The following LARGE2 variants were observed in gnomAD, a reference collection of about 807,000 sequenced individuals.
The protein encoded by LARGE2 is xylosyl- and glucuronyltransferase LARGE2.
A neutral mutation model predicts 75.3 loss-of-function variants in LARGE2; 63 were observed. The ratio of observed to expected loss-of-function variants is 0.84; its 90% CI spans 0.68 to 1.03. LARGE2 has a LOEUF of 1.03. Ranked by LOEUF, LARGE2 falls within the 50% of genes least tolerant of loss-of-function variation. The pLI is 0.00. For missense variants in LARGE2, 925 were observed against 980.6 expected (o/e 0.94, Z 0.76); for synonymous variants, 428 against 420.1 (o/e 1.02, Z -0.23).
chr11:45,922,523 C>T (rs1239408171), upstream of LARGE2, among the ~76,000 whole-genome samples: 7 of 152,100 alleles, frequency 4.6e-5, no homozygotes, highest in Admixed American at 2.0e-4. Flanking sequence ...TCGGGGGCTC[C>T]TCGCGGGCTG....
chr11:45,922,010 C>A (rs1365509506), upstream of LARGE2, among the ~76,000 whole-genome samples: 1 of 152,140 alleles, frequency 6.6e-6, no homozygotes, highest in Non-Finnish European at 1.5e-5. Context: ...TGCGCCCGGG[C>A]ACAATCACGA....
At chr11:45,925,556 TGAG>T (rs1161530852) in intron 6 of LARGE2, among the ~76,000 whole-genome samples, 2 of 152,100 alleles carry the variant, frequency 1.3e-5, no homozygotes, top group Admixed American at 1.3e-4. Flanking sequence ...CTTGGGAGGC[TGAG>T]GAGGGAGAAT....
rs892686648 is a variant in LARGE2 at position 45,922,899 on chromosome 11, G to A, written c.17G>A (p.Arg6His). The A allele has an allele frequency of 1.3e-5, 16 of 1,270,266 alleles. No homozygotes were observed. The highest frequency in any genetic ancestry group is 3.1e-5 in the African/African-American group (2 of 64,470). The allele number at this position is 1,270,266 out of a possible 1,614,324, so 78.7% of individuals were successfully genotyped here. A position where few individuals can be genotyped will look rare whatever the true frequency, so the allele number is the denominator to read the frequency against. ...TCGGCGGCCATGCTGCCCCGAGGGC[G>A]CCCCCGGGCGCTGGGGGCCGCCGCG... MLPRG[R>H]PRALGAAALL... is the part of the protein sequence containing the mutation. The change falls in exon 2 of 14, where the codon CGC becomes CAC. Residue 6 changes from arginine to histidine, a missense_variant. Coordinates refer to ENST00000401752, the MANE Select transcript of LARGE2 (RefSeq NM_001300721.2).
At position 45,929,051 on chromosome 11, in the gene LARGE2, TC is replaced by T; in HGVS notation, c.*207del. On this transcript the variant is annotated 3_prime_UTR_variant, in exon 14 of 14. Coordinates refer to ENST00000401752, the MANE Select transcript of LARGE2 (RefSeq NM_001300721.2). ...AGCCAGTTTGGGGCTGGTTCCCCCATCTTGAATTGTTTATCCCTTTTTCATA... is the reference window on the plus strand; with the variant it reads ...AGCCAGTTTGGGGCTGGTTCCCCCATTTGAATTGTTTATCCCTTTTTCATA... 1 of 631,428 alleles carries T rather than the reference TC, an allele frequency of 1.6e-6. No individual in the cohort carries two copies. 39.1% of individuals were successfully genotyped at this position (631,428 alleles called of 1,614,324 possible). A position where few individuals can be genotyped will look rare whatever the true frequency, so the allele number is the denominator to read the frequency against.
chr11:45,922,637 G>C (rs2086957482), upstream of LARGE2: 1 of 323,280 alleles, frequency 3.1e-6, no homozygotes. Flanking sequence ...AGCCCAGGTC[G>C]GGGGCGGGAC....
rs537620978 is a variant in LARGE2 at position 45,927,952 on chromosome 11, G to A, written c.1637G>A (p.Arg546Gln). The change falls in exon 12 of 14, where the codon CGG becomes CAG. Residue 546 changes from arginine to glutamine, a missense_variant. Arg to Gln is a conservative substitution (Grantham distance 43, BLOSUM62 1). Transcript: ENST00000401752. Reference protein sequence around the residue: ...ASIEQLGLGSRRKAALVVPAF... With the variant: ...ASIEQLGLGSQRKAALVVPAF... ...ATTGAGCAGCTGGGGCTGGGCAGCC[G>A]GCGCAAGGCAGCACTGGTGGTGCCG... is the stretch of plus-strand genomic sequence containing the variant. 1.2e-5 allele frequency: 20 copies of A among 1,613,590 alleles called. No individual in the cohort carries two copies. Among genetic ancestry groups the A allele is most frequent in the African/African-American group, 1.2e-4 (9 of 75,042 alleles).
Position 45,924,538 on chromosome 11 carries a change from C to T in LARGE2, c.525C>T (p.Tyr175=), listed in dbSNP as rs752907441. The T allele has an allele frequency of 1.9e-6, 3 of 1,613,562 alleles. No homozygotes were observed. The highest frequency in any genetic ancestry group is 2.2e-5 in the East Asian group (1 of 44,894). Residue 175 remains tyrosine, a synonymous_variant, in exon 5 of 14, where the codon TAC becomes TAT. Coordinates refer to ENST00000401752, the MANE Select transcript of LARGE2 (RefSeq NM_001300721.2). ...PQVSWIPNKH[Y]SGLYGLMKLV... ...TCTCCTGGATCCCCAACAAGCACTA[C>T]TCCGGCCTCTATGGGCTAATGAAGC... is the stretch of plus-strand genomic sequence containing the variant.
chr11:45,924,686 C>T lies in LARGE2; in HGVS notation c.664+9C>T. On this transcript the variant is annotated intron_variant, in intron 5 of 13. Transcript: ENST00000401752. The stretch of plus-strand genomic sequence containing the variant: ...CTTTGCTCACTTTTCTGGTGAGAGG[C>T]CTGGGAGCCTGCCTGGCCTGCCCAG... The T allele has an allele frequency of 6.2e-7, 1 of 1,602,188 alleles. No individual in the cohort carries two copies. Among genetic ancestry groups the T allele is most frequent in the Non-Finnish European group, 8.5e-7 (1 of 1,174,220 alleles).
intron 13 of LARGE2, 70 bp downstream of exon 13, chr11:45,928,442 T>A (rs1289146721): frequency 1.3e-6 from 2 of 1,559,528 alleles, no homozygotes; most frequent in African/African-American, 1.4e-5. Flanking sequence ...TCACGACACC[T>A]GCATGGGGGA....
At chr11:45,923,443 G>GC (rs5791711) in intron 2 of LARGE2, 30 bp from the exon 3 acceptor site, 1,407,218 of 1,605,820 alleles carry the variant, frequency 0.88, 630,037 homozygotes, top group Non-Finnish European at 0.93. Flanking sequence ...GAGAAGGGGG[G>GC]CTGCTGCCGA....
In LARGE2 at chr11:45,926,054, G is replaced by A. The variant is rs934210699; in HGVS notation, c.785G>A (p.Arg262Gln). The A allele has an allele frequency of 1.8e-5, 28 of 1,557,994 alleles. No homozygotes were observed. Among genetic ancestry groups the A allele is most frequent in the Non-Finnish European group, 2.1e-5 (24 of 1,150,890 alleles). The change falls in exon 7 of 14, where the codon CGG (arginine) becomes CAG (glutamine). Residue 262 changes from arginine to glutamine, a missense_variant. By Grantham distance (43) the Arg-to-Gln change is conservative (BLOSUM62 1). This residue lies in a region of LARGE2 where 453 missense variants were observed against 460.2 expected (regional missense o/e 0.98). Coordinates refer to ENST00000401752, the MANE Select transcript of LARGE2 (RefSeq NM_001300721.2). ...RGFNTGVILLRLDRLRQAGWE... is the reference protein window; with the variant it reads ...RGFNTGVILLQLDRLRQAGWE... ...TCATTGGCAGGTGTGATCCTGCTGC[G>A]GCTGGACCGGCTCCGGCAGGCTGGC...
chr11:45,924,035 G>A (rs1471333281), intron 3 of LARGE2, 119 bp from the exon 4 acceptor site: 33 of 724,504 alleles, frequency 4.6e-5, no homozygotes, highest in Non-Finnish European at 6.1e-5. Flanking sequence ...AACATCCTGA[G>A]CCGGGCGTGG....
At chr11:45,926,906 A>G (rs763493989) in intron 10 of LARGE2, 35 bp downstream of exon 10, 2 of 1,577,886 alleles carry the variant, frequency 1.3e-6, no homozygotes, top group Non-Finnish European at 1.7e-6. Flanking sequence ...GGGGTATGGC[A>G]TGGGCTGGGG....
chr11:45,926,791 G>T lies in LARGE2; in HGVS notation c.1245G>T (p.Val415=), dbSNP rs749912976. 1 of 1,613,590 alleles carries T rather than the reference G, an allele frequency of 6.2e-7. No homozygotes were observed. The highest frequency in any genetic ancestry group is 1.1e-5 in the South Asian group (1 of 91,084). ...FRQQQLTVHR[V]HVTFLPHEPP... ...AGCAGCAGCTCACTGTGCACCGTGT[G>T]CATGTCACTTTCCTGCCCCATGAAC... Residue 415 remains valine (V), a synonymous_variant, in exon 10 of 14, where the codon GTG becomes GTT. Transcript: ENST00000401752.
Position 45,923,000 on chromosome 11 carries a change from G to T in LARGE2, c.118G>T (p.Gly40Trp). The change falls in exon 2 of 14, where the codon GGG becomes TGG. Residue 40 changes from glycine (G) to tryptophan (W), a missense_variant. Physicochemically the swap from Gly to Trp is radical, Grantham distance 184. Around this residue, in one of 3 missense-constraint regions of LARGE2, gnomAD observed 453 missense variants for 460.2 expected, o/e 0.98. Transcript: ENST00000401752. ...DLGCERREPG[G>W]RAGAPGCFPG... ...GGGGTGTGAGCGCCGCGAGCCTGGCGGGCGAGCGGGGGCCCCGGGATGCTT... is the reference window on the plus strand; with the variant it reads ...GGGGTGTGAGCGCCGCGAGCCTGGCTGGCGAGCGGGGGCCCCGGGATGCTT... 7.4e-7 allele frequency: 1 copy of T among 1,347,568 alleles called. No homozygotes were observed. The highest frequency in any genetic ancestry group is 1.5e-5 in the African/African-American group (1 of 65,092). 83.5% of individuals were successfully genotyped at this position (1,347,568 alleles called of 1,614,324 possible). A position where few individuals can be genotyped will look rare whatever the true frequency, so the allele number is the denominator to read the frequency against.
chr11:45,925,161 T>A (rs1471568589), intron 6 of LARGE2, among the ~76,000 whole-genome samples: 1 of 152,174 alleles, frequency 6.6e-6, no homozygotes, highest in Non-Finnish European at 1.5e-5. Context: ...GAGAAGGCCA[T>A]GGATGTGCTC....
At position 45,926,002 on chromosome 11, in the gene LARGE2, G is replaced by C. The variant is rs370577360; in HGVS notation, c.770-37G>C. ...CCCCCATGTCCCCCAGGAGCTGGTC[G>C]TCCCAGGTGGGCATGACAGCATCTC... is the stretch of plus-strand genomic sequence containing the variant. On this transcript the variant is annotated intron_variant, in intron 6 of 13. Coordinates refer to ENST00000401752, the MANE Select transcript of LARGE2 (RefSeq NM_001300721.2). The C allele has an allele frequency of 1.3e-4, 193 of 1,526,310 alleles. No individual in the cohort carries two copies. Among genetic ancestry groups the C allele is most frequent in the Non-Finnish European group, 1.7e-4 (187 of 1,126,938 alleles). 94.5% of individuals were successfully genotyped at this position (1,526,310 alleles called of 1,614,324 possible).
Position 45,926,684 on chromosome 11 carries a change from G to A in LARGE2, c.1165-27G>A, listed in dbSNP as rs756664289. The A allele has an allele frequency of 3.9e-5, 63 of 1,611,708 alleles. No homozygotes were observed. The Middle Eastern group carries it at 6.6e-4, about 17-fold the overall frequency. The stretch of plus-strand genomic sequence containing the variant: ...GGATGTGTTGTTCTGCCCTATCCCC[G>A]GTCCTTGTCACCCCTTGCCCCCTCA... On this transcript the variant is annotated intron_variant, in intron 9 of 13. Transcript: ENST00000401752.
In LARGE2 at chr11:45,928,856, G is replaced by T; in HGVS notation, c.*11G>T. On this transcript the variant is annotated 3_prime_UTR_variant, in exon 14 of 14. Transcript: ENST00000401752. ...CCTGCCCGAGGCTGAGGCTGGGCCG[G>T]CGCTGCCCCTCATCTTAGCATTGGG... The T allele has an allele frequency of 1.9e-6, 3 of 1,612,662 alleles. No individual in the cohort carries two copies. Among genetic ancestry groups the T allele is most frequent in the Non-Finnish European group, 2.5e-6 (3 of 1,179,714 alleles).
Sources: gnomAD v4.1 joint callset for allele counts (sites outside exome capture counted in the v4.1 genomes callset) on GRCh38, gnomAD v4.1.1 for gene constraint, gnomAD v4.1.1 regional missense constraint, MANE v1.5 for transcripts, NCBI Gene and HGNC (gene_info 2026-07-23, HGNC 2026-07-21) for gene names.